The following JARID2 variants were observed in gnomAD, a reference collection of about 807,000 sequenced individuals.
JARID2 encodes the protein protein Jumonji.
In JARID2, 21 loss-of-function variants were observed where a neutral mutation model predicts 125.6. The ratio of observed to expected loss-of-function variants is 0.17; its 90% CI spans 0.12 to 0.24. The LOEUF (loss-of-function observed/expected upper bound fraction) is 0.24. JARID2 is among the 10% of genes least tolerant of loss of function. The pLI is 1.00. For missense variants in JARID2, 1,303 were observed against 1,639.6 expected (o/e 0.79, Z 3.55); for synonymous variants, 736 against 661.6 (o/e 1.11, Z -1.73).
At chr6:15,327,956 A>G (rs926368240) in intron 1 of JARID2, among the ~76,000 whole-genome samples, 1 of 152,142 alleles carries the variant, frequency 6.6e-6, no homozygotes, top group Admixed American at 6.5e-5. Flanking sequence ...CACATTATAC[A>G]GTATCTTGTT....
At chr6:15,330,485 T>G (rs530771965) in intron 1 of JARID2, among the ~76,000 whole-genome samples, 5 of 152,300 alleles carry the variant, frequency 3.3e-5, no homozygotes, top group Non-Finnish European at 5.9e-5. Context: ...TTTTCATTTT[T>G]TCTTCCAATA....
chr6:15,450,048 T>C (rs1015713991), intron 3 of JARID2, among the ~76,000 whole-genome samples: 1 of 152,146 alleles, frequency 6.6e-6, no homozygotes, highest in African/African-American at 2.4e-5. Context: ...AATTTTTTTT[T>C]AAATGTTACA....
chr6:15,316,628 A>C (rs1257343916), intron 1 of JARID2, among the ~76,000 whole-genome samples: 1 of 152,048 alleles, frequency 6.6e-6, no homozygotes, highest in East Asian at 1.9e-4. Flanking sequence ...TCTGCCTCCC[A>C]GATTGCTGGG....
At chr6:15,494,411 G>GTTTTTTTTTTT (rs1169733078) in intron 6 of JARID2, among the ~76,000 whole-genome samples, 22 of 32,342 alleles carry the variant, frequency 6.8e-4, no homozygotes, top group Non-Finnish European at 9.8e-4. Flanking sequence ...TTTTTGGCAA[G>GTTTTTTTTTTT]TCTTTTTTTT....
intron 1 of JARID2, among the ~76,000 whole-genome samples, chr6:15,300,361 G>A (rs1322822913): frequency 6.6e-6 from 1 of 152,180 alleles, no homozygotes; most frequent in Admixed American, 6.5e-5. Flanking sequence ...AGAAGGGCAT[G>A]GGAGTAGAAG....
chr6:15,376,581 A>C (rs902191379), intron 2 of JARID2, among the ~76,000 whole-genome samples: 14 of 152,118 alleles, frequency 9.2e-5, no homozygotes, highest in Non-Finnish European at 4.4e-5. Context: ...TAAATTAGCC[A>C]GGCATGGTGG....
At chr6:15,285,366 C>G (rs1039691156) in intron 1 of JARID2, among the ~76,000 whole-genome samples, 3 of 152,016 alleles carry the variant, frequency 2.0e-5, no homozygotes, top group Admixed American at 1.3e-4. Context: ...CTCAGGTGAT[C>G]CGCCTGCCTC....
intron 1 of JARID2, among the ~76,000 whole-genome samples, chr6:15,302,850 G>A (rs975235414): frequency 5.3e-5 from 8 of 151,810 alleles, no homozygotes; most frequent in South Asian, 2.1e-4. Flanking sequence ...TTCTTCTGCC[G>A]CAGCCTCCCA....
At chr6:15,343,618 G>A (rs1763145697) in intron 1 of JARID2, among the ~76,000 whole-genome samples, 1 of 152,142 alleles carries the variant, frequency 6.6e-6, no homozygotes, top group Non-Finnish European at 1.5e-5. Context: ...TGGAGGGAGA[G>A]GAAGGGCAGC....
rs1270703831 is a variant in JARID2 at position 15,300,001 on chromosome 6, A to G, written c.45+53417A>G. 2.0e-5 allele frequency among the ~76,000 whole-genome samples: 3 copies of G among 151,902 alleles called. No homozygotes were observed. The East Asian group carries it at 5.8e-4, about 29-fold the overall frequency. On this transcript the variant is annotated intron_variant, in intron 1 of 17. Transcript: ENST00000341776. ...CTCTTGAACTGCCTGTTTCCTCCCA[A>G]CCTCCAAAAGGTTATAATGTCCCCA...
chr6:15,469,290 G>GTCTCTC (rs1165786020), intron 5 of JARID2, among the ~76,000 whole-genome samples: 12 of 76,818 alleles, frequency 1.6e-4, no homozygotes, highest in Admixed American at 8.9e-4. Flanking sequence ...CTCTGTCTCT[G>GTCTCTC]TCTCTCTGTC....
chr6:15,455,824 G>C lies in JARID2; in HGVS notation c.493+3649G>C, dbSNP rs368050545. Among the ~76,000 whole-genome samples, 4 of 152,296 alleles carry C rather than the reference G, an allele frequency of 2.6e-5. 1 individual carries two copies. The highest frequency in any genetic ancestry group is 9.6e-5 in the African/African-American group (4 of 41,562). On this transcript the variant is annotated intron_variant, in intron 4 of 17. Coordinates refer to ENST00000341776, the MANE Select transcript of JARID2 (RefSeq NM_004973.4). ...ATTACAGGCATGAGTCACCATGCCC[G>C]GCGAAGCCAGGTTCTTTAAAGAGTA...
chr6:15,283,961 C>T (rs1328040896), intron 1 of JARID2, among the ~76,000 whole-genome samples: 1 of 152,134 alleles, frequency 6.6e-6, no homozygotes, highest in Non-Finnish European at 1.5e-5. Flanking sequence ...CCAGCCTCAG[C>T]CTCTCAAAGT....
chr6:15,332,107 A>G (rs1762730119), intron 1 of JARID2, among the ~76,000 whole-genome samples: 1 of 152,132 alleles, frequency 6.6e-6, no homozygotes, highest in African/African-American at 2.4e-5. Flanking sequence ...GCTCTTCGCC[A>G]TATGTCAGAG....
In JARID2 at chr6:15,512,941, G is replaced by A; in HGVS notation, c.3162G>A (p.Lys1054=). ...AKEMKRRHIA[K]PFSMEKLLYQ... ...AAATGAAGCGTCGCCATATAGCTAAGCCATTCTCCATGGAGAAGTTACTCT... is the reference window on the plus strand; with the variant it reads ...AAATGAAGCGTCGCCATATAGCTAAACCATTCTCCATGGAGAAGTTACTCT... The change falls in exon 15 of 18, where the codon AAG becomes AAA. Residue 1054 remains lysine (K), a synonymous_variant. Coordinates refer to ENST00000341776, the MANE Select transcript of JARID2 (RefSeq NM_004973.4). 1 of 1,613,794 alleles carries A rather than the reference G, an allele frequency of 6.2e-7. No homozygotes were observed. The highest frequency in any genetic ancestry group is 8.5e-7 in the Non-Finnish European group (1 of 1,179,976).
At chr6:15,469,808 A>G (rs1768983178) in intron 5 of JARID2, among the ~76,000 whole-genome samples, 1 of 152,154 alleles carries the variant, frequency 6.6e-6, no homozygotes, top group South Asian at 2.1e-4. Context: ...AGGTATAAAA[A>G]GGAGTGATTT....
intron 13 of JARID2, 115 bp downstream of exon 13, chr6:15,511,516 C>T: frequency 2.8e-6 from 2 of 717,792 alleles, no homozygotes. Context: ...AAAACAAATC[C>T]CCAGGGTGCA....
At chr6:15,267,684 G>A (rs1760141340) in intron 1 of JARID2, among the ~76,000 whole-genome samples, 1 of 152,150 alleles carries the variant, frequency 6.6e-6, no homozygotes, top group Non-Finnish European at 1.5e-5. Context: ...CTCAATGGTT[G>A]CGTTCCCGAG....
intron 5 of JARID2, among the ~76,000 whole-genome samples, chr6:15,473,570 G>T (rs1476451885): frequency 2.5e-5 from 3 of 117,746 alleles, no homozygotes; most frequent in African/African-American, 6.3e-5. Context: ...CATATACCAA[G>T]GTCCTTAAGA....
Sources: gnomAD v4.1 joint callset for allele counts (sites outside exome capture counted in the v4.1 genomes callset) on GRCh38, gnomAD v4.1.1 for gene constraint, MANE v1.5 for transcripts, NCBI Gene and HGNC (gene_info 2026-07-23, HGNC 2026-07-21) for gene names.